NUDT6: variants seen among roughly 807,000 people sequenced by gnomAD.
NUDT6 encodes FAD diphosphatase NUDT6.
In NUDT6, 24 loss-of-function variants were observed where a neutral mutation model predicts 36.8. The observed-to-expected ratio is 0.65, with a 90% CI of 0.47 to 0.92. The LOEUF is 0.92. NUDT6 is among the 40% of genes least tolerant of loss of function. The probability of loss-of-function intolerance (pLI) is 0.00; values close to 1 mark genes in which losing one functional copy is unlikely to be tolerated. For synonymous variants in NUDT6, 163 were observed against 157.0 expected (o/e 1.04, Z -0.29); for missense variants, 388 against 392.8 (o/e 0.99, Z 0.10).
At chr4:122,904,778 A>G (rs1292433027) in intron 3 of NUDT6, among the ~76,000 whole-genome samples, 6 of 152,066 alleles carry the variant, frequency 3.9e-5, no homozygotes, top group Admixed American at 3.9e-4. Flanking sequence ...TTTATGACTT[A>G]ACCTTTTTGG....
chr4:122,894,768 ATGTT>A (rs1227498620), intron 4 of NUDT6: 1 of 152,178 alleles, frequency 6.6e-6, no homozygotes, highest in Non-Finnish European at 1.5e-5. Flanking sequence ...GGGGAAATAC[ATGTT>A]TGTTATTAAA....
intron 3 of NUDT6, among the ~76,000 whole-genome samples, chr4:122,909,877 A>C (rs1727698672): frequency 6.6e-6 from 1 of 152,206 alleles, no homozygotes; most frequent in East Asian, 1.9e-4. Flanking sequence ...TATTCCAAAG[A>C]ATGATGCAAA....
rs559495786 is a variant in NUDT6, at chr4:122,912,435, C to G, written c.498+133G>C. 41 of 675,300 alleles carry G rather than the reference C, an allele frequency of 6.1e-5. No individual in the cohort carries two copies. In the African/African-American group the frequency reaches 6.8e-4, roughly 11 times the overall value. The allele number at this position is 675,300 out of a possible 1,614,324, so 41.8% of individuals were successfully genotyped here. On this transcript the variant is annotated intron_variant, in intron 3 of 4. Coordinates refer to ENST00000304430, the MANE Select transcript of NUDT6 (RefSeq NM_007083.5). ...GGTTTAAATAAATATCTAAGGTGAT[C>G]CATAACTGCTTAGAAATGATTTTTA...
chr4:122,919,124 T>C (rs1274676423), intron 1 of NUDT6: 1 of 152,326 alleles, frequency 6.6e-6, no homozygotes, highest in Non-Finnish European at 1.5e-5. Flanking sequence ...CTGACCTCAC[T>C]GAACACTAAA....
intron 3 of NUDT6, among the ~76,000 whole-genome samples, chr4:122,899,817 C>T (rs45517740): frequency 0.041 from 6,303 of 152,070 alleles, 423 homozygotes; most frequent in African/African-American, 0.14. Flanking sequence ...AGACCCCAGA[C>T]GCTATGCCAG....
At chr4:122,915,509 C>G (rs1330842832) in intron 2 of NUDT6, among the ~76,000 whole-genome samples, 1 of 145,218 alleles carries the variant, frequency 6.9e-6, no homozygotes, top group African/African-American at 2.6e-5. Flanking sequence ...CAACTCTGCA[C>G]CTTTCCAGAA....
At position 122,922,597 on chromosome 4, in the gene NUDT6, T is replaced by G; in HGVS notation, c.-25A>C. On this transcript the variant is annotated 5_prime_UTR_variant, in exon 1 of 5. Coordinates refer to ENST00000304430, the MANE Select transcript of NUDT6 (RefSeq NM_007083.5). ...TCTCCACGCCGCTTAATTCGTCCGT[T>G]GCCCAAATGACCCCTCCGCGCTCCA... 1.3e-6 allele frequency: 2 copies of G among 1,571,454 alleles called. No individual in the cohort carries two copies. The highest frequency in any genetic ancestry group is 1.7e-6 in the Non-Finnish European group (2 of 1,160,788).
intron 3 of NUDT6, among the ~76,000 whole-genome samples, chr4:122,904,751 G>A (rs754456386): frequency 2.6e-5 from 4 of 152,074 alleles, no homozygotes; most frequent in African/African-American, 7.2e-5. Context: ...ACCGTGCCTC[G>A]CCTCTTCCTC....
intron 1 of NUDT6, chr4:122,920,169 C>T (rs1488669845): frequency 6.6e-6 from 1 of 152,054 alleles, no homozygotes; most frequent in South Asian, 2.1e-4. Context: ...TAGCGGACTT[C>T]ATGTGTAAAT....
Position 122,911,677 on chromosome 4 carries a change from T to A in NUDT6, c.498+891A>T, listed in dbSNP as rs528363979. Among the ~76,000 whole-genome samples the A allele has an allele frequency of 9.2e-5, 14 of 152,302 alleles. No individual in the cohort carries two copies. The South Asian group carries it at 2.7e-3, about 29-fold the overall frequency. ...CATTAATTTAAACTTTAAGAACATATGTGGTGGGGAAAAATGTTTGACTAT... is the reference window on the plus strand; with the variant it reads ...CATTAATTTAAACTTTAAGAACATAAGTGGTGGGGAAAAATGTTTGACTAT... On this transcript the variant is annotated intron_variant, in intron 3 of 4. Coordinates refer to ENST00000304430, the MANE Select transcript of NUDT6 (RefSeq NM_007083.5).
intron 2 of NUDT6, among the ~76,000 whole-genome samples, chr4:122,917,273 T>C (rs1261565467): frequency 6.6e-6 from 1 of 152,182 alleles, no homozygotes; most frequent in East Asian, 1.9e-4. Context: ...TAAATATGTG[T>C]GATAGGAAAA....
At chr4:122,910,249 C>A (rs968970928) in intron 3 of NUDT6, among the ~76,000 whole-genome samples, 2 of 151,508 alleles carry the variant, frequency 1.3e-5, no homozygotes, top group African/African-American at 4.8e-5. Context: ...GTAAGCTGAA[C>A]CTGTTAAGTC....
chr4:122,922,463 C>T lies in NUDT6; in HGVS notation c.110G>A (p.Arg37Gln), dbSNP rs1728094630. 6.2e-7 allele frequency: 1 copy of T among 1,611,954 alleles called. No homozygotes were observed. The highest frequency in any genetic ancestry group is 8.5e-7 in the Non-Finnish European group (1 of 1,179,860). ...RWASGAQGYVRNPPVGACDLQ... is the reference protein window; with the variant it reads ...RWASGAQGYVQNPPVGACDLQ... Reference sequence around the variant, plus strand: ...ATCGCACGCTCCAACTGGCGGATTCCGCACGTAACCCTGTGCGCCCGAGGC... The same window carrying T: ...ATCGCACGCTCCAACTGGCGGATTCTGCACGTAACCCTGTGCGCCCGAGGC... The change falls in exon 1 of 5, where the codon CGG becomes CAG. Residue 37 changes from arginine to glutamine, a missense_variant. Physicochemically the swap from Arg to Gln is conservative, Grantham distance 43. Transcript: ENST00000304430.
intron 3 of NUDT6, among the ~76,000 whole-genome samples, chr4:122,904,150 G>T (rs1345902013): frequency 6.6e-6 from 1 of 152,154 alleles, no homozygotes; most frequent in Admixed American, 6.5e-5. Context: ...GGATTGAGGG[G>T]GTTGGGGAAG....
chr4:122,903,370 T>C (rs1279933387), intron 3 of NUDT6, among the ~76,000 whole-genome samples: 2 of 152,142 alleles, frequency 1.3e-5, no homozygotes, highest in African/African-American at 4.8e-5. Flanking sequence ...AAAGGACCAA[T>C]TATTGGCAGG....
intron 2 of NUDT6, among the ~76,000 whole-genome samples, chr4:122,913,015 G>C (rs1404698660): frequency 6.6e-6 from 1 of 152,132 alleles, no homozygotes; most frequent in African/African-American, 2.4e-5. Flanking sequence ...TTCCACTAGT[G>C]GCATCATGCC....
chr4:122,892,931 T>G lies in NUDT6; in HGVS notation c.848A>C (p.Asp283Ala). ...YGYREGFDKI[D>A]LTVEELPAVY... Reference sequence around the variant, plus strand: ...TGCTGGAAGTTCTTCCACAGTCAGGTCAATTTTGTCAAACCCTTCTCTGTA... The same window carrying G: ...TGCTGGAAGTTCTTCCACAGTCAGGGCAATTTTGTCAAACCCTTCTCTGTA... Residue 283 changes from aspartate (D) to alanine (A), a missense_variant, in exon 5 of 5, where the codon GAC becomes GCC. Physicochemically the swap from Asp to Ala is moderately radical, Grantham distance 126. Transcript: ENST00000304430. 8 of 1,614,162 alleles carry G rather than the reference T, an allele frequency of 5.0e-6. No homozygotes were observed. Among genetic ancestry groups the G allele is most frequent in the Non-Finnish European group, 6.8e-6 (8 of 1,180,024 alleles).
chr4:122,907,741 G>A (rs943841232), intron 3 of NUDT6, among the ~76,000 whole-genome samples: 2 of 152,032 alleles, frequency 1.3e-5, no homozygotes, highest in Admixed American at 6.6e-5. Flanking sequence ...GAGCCACTGC[G>A]CCCGGCCCCT....
At chr4:122,911,805 G>C (rs1427985825) in intron 3 of NUDT6, among the ~76,000 whole-genome samples, 1 of 151,972 alleles carries the variant, frequency 6.6e-6, no homozygotes, top group East Asian at 1.9e-4. Context: ...CCCTAATCAC[G>C]GTACTTCTCT....
Sources: allele counts gnomAD v4.1 joint callset (sites outside exome capture counted in the v4.1 genomes callset), GRCh38; gene constraint gnomAD v4.1.1; transcripts MANE v1.5; gene names NCBI Gene and HGNC (gene_info 2026-07-23, HGNC 2026-07-21).